Variants in SDHAF4 observed in about 807,000 individuals in gnomAD.
SDHAF4 encodes succinate dehydrogenase assembly factor 4, mitochondrial.
Under a neutral mutation model 14.3 loss-of-function variants are expected in SDHAF4, and 14 were observed. That is an observed-to-expected ratio of 0.98 (90% CI 0.65 to 1.53). SDHAF4 has a LOEUF of 1.53. Among genes scored for constraint, SDHAF4 ranks in the 40% most tolerant of loss-of-function variants. The pLI is 0.00. For synonymous variants in SDHAF4, 63 were observed against 47.3 expected (o/e 1.33, Z -1.36); for missense variants, 141 against 129.3 (o/e 1.09, Z -0.44).
chr6:70,568,433 T>TA (rs1308706855), intron 1 of SDHAF4, among the ~76,000 whole-genome samples: 1 of 152,254 alleles, frequency 6.6e-6, no homozygotes, highest in Non-Finnish European at 1.5e-5. Context: ...TGCTTCCTGA[T>TA]ACAACTGTGC....
the SDHAF4 span, among the ~76,000 whole-genome samples, chr6:70,594,772 TGTG>T: frequency 5.9e-5 from 9 of 152,136 alleles, no homozygotes; most frequent in East Asian, 1.9e-4. Flanking sequence ...ATTAGCCAGA[TGTG>T]GTGGTGCACA....
At chr6:70,573,840 A>G (rs1482426264) in intron 1 of SDHAF4, among the ~76,000 whole-genome samples, 3 of 151,226 alleles carry the variant, frequency 2.0e-5, no homozygotes, top group Non-Finnish European at 2.9e-5. Context: ...ACGCCCAGCT[A>G]ATTTTTTGTA....
At chr6:70,567,927 C>T (rs1242623617) in intron 1 of SDHAF4, among the ~76,000 whole-genome samples, 20 of 152,104 alleles carry the variant, frequency 1.3e-4, no homozygotes, top group Admixed American at 1.3e-3. Flanking sequence ...CCTTGTGATC[C>T]GCTCGCCTCG....
downstream of SDHAF4, among the ~76,000 whole-genome samples, chr6:70,592,749 G>A (rs1247017741): frequency 6.6e-6 from 1 of 152,226 alleles, no homozygotes; most frequent in Non-Finnish European, 1.5e-5. Context: ...AATCAAAAGG[G>A]AAGCAAAGCA....
chr6:70,593,360 C>T (rs9455183), downstream of SDHAF4, among the ~76,000 whole-genome samples: 2,427 of 152,370 alleles, frequency 0.016, 58 homozygotes, highest in African/African-American at 0.055. Flanking sequence ...GGCACAACCA[C>T]TGCAGAGAAC....
intron 1 of SDHAF4, among the ~76,000 whole-genome samples, chr6:70,572,058 CTTTTTTTTTTT>C (rs66688860): frequency 1.7e-4 from 9 of 53,510 alleles, no homozygotes; most frequent in East Asian, 6.1e-4. Flanking sequence ...CTTTTTTTGT[CTTTTTTTTTTT>C]TTTTTTTTTT....
In SDHAF4 at chr6:70,588,164, T is replaced by C. The variant is rs1259712984; in HGVS notation, c.218-451T>C. 2.6e-5 allele frequency among the ~76,000 whole-genome samples: 4 copies of C among 152,232 alleles called. No homozygotes were observed. The East Asian group carries it at 7.7e-4, about 29-fold the overall frequency. ...CAGGAAAAAGAATCACATTTACAGT[T>C]CTTTTAAAGACTGCATGGTAACCAG... is the stretch of plus-strand genomic sequence containing the variant. On this transcript the variant is annotated intron_variant, in intron 2 of 2. Transcript: ENST00000370474.
chr6:70,579,490 C>A lies in SDHAF4; in HGVS notation c.141C>A (p.Ser47=). 6.2e-7 allele frequency: 1 copy of A among 1,611,732 alleles called. No individual in the cohort carries two copies. ...GAAAGTCTGAACTTGTCAAACAGTC[C>A]CTTAAGAAGCCGAAGTTACCAGAAG... ...QGGKSELVKQ[S]LKKPKLPEGR... The change falls in exon 2 of 3, where the codon TCC becomes TCA. Residue 47 remains serine (S), a synonymous_variant. Transcript: ENST00000370474.
the SDHAF4 span, among the ~76,000 whole-genome samples, chr6:70,595,184 C>G: frequency 0.41 from 62,021 of 151,910 alleles, 13,327 homozygotes; most frequent in African/African-American, 0.52. Flanking sequence ...TTTGCTGCAT[C>G]TCCTCTGGCC....
intron 1 of SDHAF4, among the ~76,000 whole-genome samples, chr6:70,576,862 A>G (rs1802262334): frequency 6.6e-6 from 1 of 152,218 alleles, no homozygotes; most frequent in Non-Finnish European, 1.5e-5. Flanking sequence ...TCCAACACCT[A>G]GTAAGTGGTT....
rs1581923713 is a variant in SDHAF4 at position 70,567,087 on chromosome 6, G to A, written c.64+83G>A. 5.2e-6 allele frequency: 7 copies of A among 1,352,304 alleles called. No individual in the cohort carries two copies. The East Asian group carries it at 1.8e-4, about 34-fold the overall frequency. The allele number at this position is 1,352,304 out of a possible 1,614,324, so 83.8% of individuals were successfully genotyped here. On this transcript the variant is annotated intron_variant, in intron 1 of 2. Coordinates refer to ENST00000370474, the MANE Select transcript of SDHAF4 (RefSeq NM_145267.3). ...GAGAGAAGCGCCTCCCGCGGAGGAA[G>A]CCGCGTGTGTCCTGGCCGTTCGGTG...
intron 2 of SDHAF4, among the ~76,000 whole-genome samples, chr6:70,584,628 T>G (rs575190878): frequency 6.6e-6 from 1 of 152,254 alleles, no homozygotes; most frequent in East Asian, 1.9e-4. Context: ...TTCAGAAAAC[T>G]GCAGGCTATT....
chr6:70,571,008 A>C (rs1347796748), intron 1 of SDHAF4, among the ~76,000 whole-genome samples: 11 of 152,094 alleles, frequency 7.2e-5, no homozygotes, highest in Non-Finnish European at 1.3e-4. Flanking sequence ...AATTTCATGG[A>C]ACATGAAAAA....
chr6:70,578,051 T>A lies in SDHAF4; in HGVS notation c.65-1363T>A, dbSNP rs147738752. On this transcript the variant is annotated intron_variant, in intron 1 of 2. Transcript: ENST00000370474. The stretch of plus-strand genomic sequence containing the variant: ...GAACATGCAAGCGCATGTGTCTTTC[T>A]GGTGTGAAAAATGAGTAGTTTTCTT... 4.3e-4 allele frequency among the ~76,000 whole-genome samples: 65 copies of A among 152,324 alleles called. No homozygotes were observed. In the East Asian group the frequency reaches 0.012, roughly 28 times the overall value.
Position 70,579,409 on chromosome 6 carries a change from T to C in SDHAF4, c.65-5T>C, listed in dbSNP as rs1292006744. 6.3e-7 allele frequency: 1 copy of C among 1,577,094 alleles called. No individual in the cohort carries two copies. Among genetic ancestry groups the C allele is most frequent in the Non-Finnish European group, 8.6e-7 (1 of 1,162,236 alleles). ...CCTATTTTTCTATTATCTCCACTCT[T>C]CTAGGATCACCCCTTCTGTGTCATT... On this transcript the variant is annotated splice_polypyrimidine_tract_variant and splice_region_variant and intron_variant, in intron 1 of 2. Transcript: ENST00000370474.
intron 2 of SDHAF4, among the ~76,000 whole-genome samples, chr6:70,587,286 T>C (rs1469489212): frequency 6.6e-6 from 1 of 151,872 alleles, no homozygotes; most frequent in African/African-American, 2.4e-5. Flanking sequence ...GGTCAGGAGT[T>C]TGAGACCAGC....
intron 1 of SDHAF4, among the ~76,000 whole-genome samples, chr6:70,570,157 T>C (rs1051545600): frequency 3.3e-5 from 5 of 152,248 alleles, no homozygotes; most frequent in Admixed American, 6.5e-5. Context: ...AACTTTGTTA[T>C]AAATCTTACT....
At chr6:70,575,431 A>G (rs937752126) in intron 1 of SDHAF4, among the ~76,000 whole-genome samples, 4 of 151,850 alleles carry the variant, frequency 2.6e-5, no homozygotes, top group African/African-American at 7.2e-5. Flanking sequence ...TCTACTGAAA[A>G]TACAAAAACT....
chr6:70,591,217 A>G (rs1765255016), downstream of SDHAF4, among the ~76,000 whole-genome samples: 1 of 152,170 alleles, frequency 6.6e-6, no homozygotes, highest in South Asian at 2.1e-4. Context: ...ATTAGCCAAC[A>G]CAACATGTTA....
Sources: allele counts gnomAD v4.1 joint callset (sites outside exome capture counted in the v4.1 genomes callset), GRCh38; gene constraint gnomAD v4.1.1; transcripts MANE v1.5; gene names NCBI Gene and HGNC (gene_info 2026-07-23, HGNC 2026-07-21).